The following LDB2 variants were observed in gnomAD, a reference collection of about 807,000 sequenced individuals.
LDB2 encodes LIM domain binding 2, also known as LIM domain-binding protein 2.
Under a neutral mutation model 44.3 loss-of-function variants are expected in LDB2, and 12 were observed. The observed-to-expected ratio is 0.27, with a 90% CI of 0.17 to 0.44. LDB2 has a LOEUF of 0.44. Ranked by LOEUF, LDB2 falls within the 20% of genes least tolerant of loss-of-function variation. The pLI, the probability that LDB2 is intolerant of heterozygous loss-of-function variation, is 1.00. For missense variants in LDB2, 344 were observed against 473.5 expected (o/e 0.73, Z 2.54); for synonymous variants, 164 against 174.8 (o/e 0.94, Z 0.49).
At chr4:16,524,043 AG>A (rs2152282907) in intron 5 of LDB2, among the ~76,000 whole-genome samples, 1 of 152,306 alleles carries the variant, frequency 6.6e-6, no homozygotes, top group South Asian at 2.1e-4. Context: ...ACCAAGCAAT[AG>A]GTCTGATGTT....
intron 2 of LDB2, among the ~76,000 whole-genome samples, chr4:16,606,428 C>T (rs977591166): frequency 1.3e-5 from 2 of 152,182 alleles, no homozygotes; most frequent in African/African-American, 4.8e-5. Context: ...TACCAATTTG[C>T]TTCCTTATCA....
chr4:16,762,861 A>G (rs1390733668), intron 1 of LDB2, among the ~76,000 whole-genome samples: 2 of 152,214 alleles, frequency 1.3e-5, no homozygotes, highest in Non-Finnish European at 2.9e-5. Flanking sequence ...CTCAAGTTAC[A>G]ATGAGGTTCG....
Position 16,614,758 on chromosome 4 carries a change from C to G in LDB2, c.236-18883G>C, listed in dbSNP as rs374199623. ...CAATGAGATACTATCTCATGCCAGT[C>G]AGAATGGTGATTAGTAAAAAGTCAA... is the stretch of plus-strand genomic sequence containing the variant. On this transcript the variant is annotated intron_variant, in intron 2 of 7. Transcript: ENST00000304523. 3.9e-5 allele frequency among the ~76,000 whole-genome samples: 6 copies of G among 151,996 alleles called. No homozygotes were observed. The East Asian group carries it at 1.2e-3, about 29-fold the overall frequency.
chr4:16,797,867 T>G (rs1174978126), intron 1 of LDB2, among the ~76,000 whole-genome samples: 1 of 151,742 alleles, frequency 6.6e-6, no homozygotes, highest in Admixed American at 6.6e-5. Flanking sequence ...AAACCCTGTC[T>G]CTACTAAAAA....
At position 16,656,923 on chromosome 4, in the gene LDB2, T is replaced by C. The variant is rs145887951; in HGVS notation, c.236-61048A>G. ...AAGTTCTAACAAGTAAGTATAGACA[T>C]GTTTTGAAATTTAGTGCTGTTGAAA... is the stretch of plus-strand genomic sequence containing the variant. On this transcript the variant is annotated intron_variant, in intron 2 of 7. Coordinates refer to ENST00000304523, the MANE Select transcript of LDB2 (RefSeq NM_001290.5). Among the ~76,000 whole-genome samples the C allele has an allele frequency of 1.9e-3, 297 of 152,344 alleles. 3 individuals are homozygous for C. Among genetic ancestry groups the C allele is most frequent in the African/African-American group, 6.8e-3 (284 of 41,582 alleles).
chr4:16,738,900 C>G (rs924016310), intron 2 of LDB2, among the ~76,000 whole-genome samples: 7 of 152,134 alleles, frequency 4.6e-5, no homozygotes, highest in Admixed American at 2.0e-4. Flanking sequence ...ATTTGGGGTC[C>G]TTTAATGAGA....
chr4:16,672,720 C>G lies in LDB2; in HGVS notation c.236-76845G>C, dbSNP rs532822592. Among the ~76,000 whole-genome samples the G allele has an allele frequency of 2.0e-5, 3 of 152,042 alleles. No homozygotes were observed. In the South Asian group the frequency reaches 6.2e-4, roughly 32 times the overall value. On this transcript the variant is annotated intron_variant, in intron 2 of 7. Coordinates refer to ENST00000304523, the MANE Select transcript of LDB2 (RefSeq NM_001290.5). ...CTCTAATTAAACACAGTGCCTCTCT[C>G]AGGTCAGGAAAATCACAAACAATAG...
At chr4:16,786,837 C>T (rs1774538974) in intron 1 of LDB2, among the ~76,000 whole-genome samples, 1 of 152,154 alleles carries the variant, frequency 6.6e-6, no homozygotes, top group South Asian at 2.1e-4. Flanking sequence ...TGTCTCTCTT[C>T]CCTCACCAAA....
chr4:16,680,309 C>T (rs530931036), intron 2 of LDB2, among the ~76,000 whole-genome samples: 10 of 152,104 alleles, frequency 6.6e-5, no homozygotes, highest in Non-Finnish European at 1.2e-4. Context: ...GCAGTGCAAA[C>T]GAAGACACCT....
intron 1 of LDB2, among the ~76,000 whole-genome samples, chr4:16,827,218 C>T (rs1028907661): frequency 2.6e-5 from 4 of 152,120 alleles, no homozygotes; most frequent in African/African-American, 9.7e-5. Flanking sequence ...CTCTCATCAG[C>T]AGAGAAGGCA....
Position 16,512,052 on chromosome 4 carries a change from T to C in LDB2, c.668A>G (p.Tyr223Cys). ...MQELMSRHKT[Y>C]NLSPRDCLKT... ...CAGGCAGTCTCGGGGACTGAGGTTG[T>C]AAGTTTTATGTCTCGACATCAGTTC... Residue 223 changes from tyrosine to cysteine, a missense_variant, in exon 6 of 8, where the codon TAC (tyrosine) becomes TGC (cysteine). By Grantham distance (194) the Tyr-to-Cys change is radical. This residue lies in a region of LDB2 where 86 missense variants were observed against 171.2 expected (regional missense o/e 0.50). Coordinates refer to ENST00000304523, the MANE Select transcript of LDB2 (RefSeq NM_001290.5). The C allele has an allele frequency of 6.2e-7, 1 of 1,613,800 alleles. No homozygotes were observed. The highest frequency in any genetic ancestry group is 2.2e-5 in the East Asian group (1 of 44,838).
chr4:16,586,487 T>TACAC lies in LDB2; in HGVS notation c.532-486_532-483dup, dbSNP rs5856368. ...GGAAAACTTTGCCACTGTCTTGAAA[T>TACAC]ACACACACACACACACACACACACA... On this transcript the variant is annotated intron_variant, in intron 4 of 7. Coordinates refer to ENST00000304523, the MANE Select transcript of LDB2 (RefSeq NM_001290.5). Among the ~76,000 whole-genome samples, 673 of 128,900 alleles carry TACAC rather than the reference T, an allele frequency of 5.2e-3. 3 individuals carry two copies. The highest frequency in any genetic ancestry group is 0.013 in the Admixed American group (171 of 12,836). The allele number at this position is 128,900 out of a possible 152,430, so 84.6% of individuals were successfully genotyped here.
intron 1 of LDB2, among the ~76,000 whole-genome samples, chr4:16,787,626 G>T (rs888408416): frequency 5.9e-5 from 9 of 152,050 alleles, no homozygotes; most frequent in Non-Finnish European, 1.2e-4. Context: ...AAAAAAAAGA[G>T]TGGGGGTGCA....
intron 5 of LDB2, among the ~76,000 whole-genome samples, chr4:16,554,763 T>C (rs552057366): frequency 2.2e-4 from 34 of 152,298 alleles, no homozygotes; most frequent in African/African-American, 7.7e-4. Context: ...AGAGGTTAAA[T>C]GGGGAGAGAC....
rs16894122 is a variant in LDB2, at chr4:16,872,269, A to G, written c.132+26085T>C. ...AAAGTAGTGTCCATCATATGTCTCTATCCTGTGACTGTATTTTTCTTCATA... is the reference window on the plus strand; with the variant it reads ...AAAGTAGTGTCCATCATATGTCTCTGTCCTGTGACTGTATTTTTCTTCATA... On this transcript the variant is annotated intron_variant, in intron 1 of 7. Transcript: ENST00000304523. Among the ~76,000 whole-genome samples, 148 of 152,036 alleles carry G rather than the reference A, an allele frequency of 9.7e-4. 1 individual carries two copies. Among genetic ancestry groups the G allele is most frequent in the African/African-American group, 3.5e-3 (144 of 41,490 alleles).
chr4:16,585,134 C>T (rs1370966952), intron 5 of LDB2, among the ~76,000 whole-genome samples: 2 of 152,198 alleles, frequency 1.3e-5, no homozygotes, highest in African/African-American at 4.8e-5. Context: ...CACCCACCCG[C>T]ACTATGTCAG....
chr4:16,739,632 ATATG>A (rs1239922222), intron 2 of LDB2, among the ~76,000 whole-genome samples: 1 of 85,716 alleles, frequency 1.2e-5, no homozygotes, highest in East Asian at 6.0e-4. Flanking sequence ...GTGTGTGTAT[ATATG>A]TATATATACA....
chr4:16,634,296 C>A (rs867577635), intron 2 of LDB2, among the ~76,000 whole-genome samples: 51 of 105,424 alleles, frequency 4.8e-4, no homozygotes, highest in East Asian at 8.3e-4. Flanking sequence ...TTTGCACGGC[C>A]AAAAAAAAAA....
At chr4:16,739,446 T>A (rs890444692) in intron 2 of LDB2, among the ~76,000 whole-genome samples, 2 of 148,800 alleles carry the variant, frequency 1.3e-5, no homozygotes, top group Admixed American at 6.8e-5. Context: ...ATGAGCCAGA[T>A]GTGCTGGTGC....
Sources: gnomAD v4.1 joint callset for allele counts (sites outside exome capture counted in the v4.1 genomes callset) on GRCh38, gnomAD v4.1.1 for gene constraint, gnomAD v4.1.1 regional missense constraint, MANE v1.5 for transcripts, NCBI Gene and HGNC (gene_info 2026-07-23, HGNC 2026-07-21) for gene names.